NFIA: variants seen among roughly 807,000 people sequenced by gnomAD.
The protein encoded by NFIA is nuclear factor 1 A-type.
In NFIA, 8 loss-of-function variants were observed where a neutral mutation model predicts 62.8. That is an observed-to-expected ratio of 0.13 (90% CI 0.07 to 0.23). The LOEUF (loss-of-function observed/expected upper bound fraction) is 0.23, where lower values mean the gene tolerates loss of function less well. NFIA is among the 10% of genes least tolerant of loss of function. The pLI is 1.00. For synonymous variants in NFIA, 235 were observed against 238.1 expected (o/e 0.99, Z 0.12); for missense variants, 410 against 642.1 (o/e 0.64, Z 3.91).
Position 61,096,547 on chromosome 1 carries a change from C to CTTTTTTTTTTTT in NFIA, c.559+7879_559+7890dup, listed in dbSNP as rs369305204. 1.2e-4 allele frequency among the ~76,000 whole-genome samples: 10 copies of CTTTTTTTTTTTT among 80,594 alleles called. 1 individual carries two copies. Among genetic ancestry groups the CTTTTTTTTTTTT allele is most frequent in the East Asian group, 1.0e-3 (2 of 1,982 alleles). The allele number at this position is 80,594 out of a possible 152,430, so 52.9% of individuals were successfully genotyped here. A position where few individuals can be genotyped will look rare whatever the true frequency, so the allele number is the denominator to read the frequency against. On this transcript the variant is annotated intron_variant, in intron 2 of 10. Transcript: ENST00000403491. ...TCTTTAAACTTAGTCAAGATTAGTT[C>CTTTTTTTTTTTT]TTTTTTTTTTTTTTTTTTTTTTTGA...
At chr1:61,110,172 T>C (rs1646671282) in intron 2 of NFIA, among the ~76,000 whole-genome samples, 2 of 151,946 alleles carry the variant, frequency 1.3e-5, no homozygotes, top group South Asian at 4.1e-4. Context: ...GAGATGACTC[T>C]GCCTGGTGCT....
At chr1:61,171,282 C>T (rs1246708432) in intron 2 of NFIA, among the ~76,000 whole-genome samples, 1 of 152,090 alleles carries the variant, frequency 6.6e-6, no homozygotes, top group African/African-American at 2.4e-5. Context: ...ATGTTTAACC[C>T]ATCTACTTGA....
At chr1:61,349,327 G>A (rs1662422978) in intron 4 of NFIA, among the ~76,000 whole-genome samples, 1 of 151,762 alleles carries the variant, frequency 6.6e-6, no homozygotes, top group Non-Finnish European at 1.5e-5. Flanking sequence ...ATTTTTTTTA[G>A]CAGTGACTGT....
intron 6 of NFIA, among the ~76,000 whole-genome samples, chr1:61,372,900 A>G (rs1267784594): frequency 6.6e-6 from 1 of 152,180 alleles, no homozygotes; most frequent in Admixed American, 6.6e-5. Flanking sequence ...GGAATGGGCT[A>G]GAAGTTTTCT....
At chr1:61,133,741 A>G (rs1310876234) in intron 2 of NFIA, among the ~76,000 whole-genome samples, 5 of 152,272 alleles carry the variant, frequency 3.3e-5, no homozygotes, top group African/African-American at 1.2e-4. Flanking sequence ...TCTGTGGTGG[A>G]AGGATGACTT....
chr1:61,110,315 C>CTT (rs1047160738), intron 2 of NFIA, among the ~76,000 whole-genome samples: 31 of 150,896 alleles, frequency 2.1e-4, no homozygotes, highest in Middle Eastern at 3.4e-3. Context: ...TAACCCAGTG[C>CTT]TTGTCGAGGG....
At chr1:61,355,600 C>A (rs1422102702) in intron 5 of NFIA, among the ~76,000 whole-genome samples, 1 of 150,906 alleles carries the variant, frequency 6.6e-6, no homozygotes, top group Non-Finnish European at 1.5e-5. Context: ...TTTTTTTCTC[C>A]AATAGAGACA....
chr1:61,202,707 C>T (rs1433454156), intron 2 of NFIA, among the ~76,000 whole-genome samples: 1 of 152,006 alleles, frequency 6.6e-6, no homozygotes, highest in Admixed American at 6.6e-5. Context: ...TTATTTTCCA[C>T]CCTTATGTTT....
At chr1:61,209,578 C>T (rs1653111928) in intron 2 of NFIA, among the ~76,000 whole-genome samples, 2 of 151,944 alleles carry the variant, frequency 1.3e-5, no homozygotes, top group Admixed American at 1.3e-4. Flanking sequence ...AATCCCAGCA[C>T]TTTGGGAGGC....
chr1:61,206,958 T>C (rs1018014044), intron 2 of NFIA, among the ~76,000 whole-genome samples: 1 of 152,176 alleles, frequency 6.6e-6, no homozygotes, highest in Admixed American at 6.5e-5. Flanking sequence ...GTAAAGGTAC[T>C]GTTTATATCT....
chr1:61,353,840 TCA>T (rs1267984219), intron 5 of NFIA, among the ~76,000 whole-genome samples: 1 of 152,192 alleles, frequency 6.6e-6, no homozygotes, highest in East Asian at 1.9e-4. Flanking sequence ...GACAAAAAAG[TCA>T]CACATCCAAA....
chr1:61,382,331 G>A (rs1041771711), intron 6 of NFIA, among the ~76,000 whole-genome samples: 1 of 152,120 alleles, frequency 6.6e-6, no homozygotes. Flanking sequence ...TGCTGGAAAT[G>A]CTGTGAAAAC....
At chr1:61,449,096 A>C (rs985757267) in intron 10 of NFIA, among the ~76,000 whole-genome samples, 1 of 152,328 alleles carries the variant, frequency 6.6e-6, no homozygotes, top group African/African-American at 2.4e-5. Flanking sequence ...GCAGCAGTCC[A>C]TGTTACAAAA....
intron 2 of NFIA, among the ~76,000 whole-genome samples, chr1:61,155,166 T>G (rs1648701067): frequency 6.6e-6 from 1 of 152,198 alleles, no homozygotes; most frequent in South Asian, 2.1e-4. Flanking sequence ...CAATGAATAT[T>G]CATGATCATT....
chr1:61,441,745 G>C (rs927363658), intron 10 of NFIA, among the ~76,000 whole-genome samples: 16 of 152,074 alleles, frequency 1.1e-4, no homozygotes, highest in Admixed American at 1.3e-4. Flanking sequence ...TGTTCTCTCT[G>C]ATATCTAGAT....
At chr1:61,372,578 A>T (rs1387959471) in intron 6 of NFIA, among the ~76,000 whole-genome samples, 1 of 98,790 alleles carries the variant, frequency 1.0e-5, no homozygotes, top group Non-Finnish European at 2.4e-5. Context: ...ATTGTTGTTA[A>T]AAAAAAAAAA....
chr1:61,373,321 A>G (rs1384166374), intron 6 of NFIA, among the ~76,000 whole-genome samples: 2 of 152,212 alleles, frequency 1.3e-5, no homozygotes, highest in Admixed American at 6.5e-5. Context: ...ATTCTAGCTG[A>G]CAGAACCTTT....
chr1:61,301,381 G>A (rs1659488932), intron 3 of NFIA, among the ~76,000 whole-genome samples: 1 of 152,182 alleles, frequency 6.6e-6, no homozygotes, highest in East Asian at 1.9e-4. Context: ...TATAAATCCT[G>A]AGAAGCAGGT....
chr1:61,196,855 AAAAT>A (rs1652033788), intron 2 of NFIA, among the ~76,000 whole-genome samples: 1 of 152,128 alleles, frequency 6.6e-6, no homozygotes, highest in African/African-American at 2.4e-5. Flanking sequence ...CAATAGTTAA[AAAAT>A]AAAGTCTATA....
Sources: gnomAD v4.1 joint callset for allele counts (sites outside exome capture counted in the v4.1 genomes callset) on GRCh38, gnomAD v4.1.1 for gene constraint, MANE v1.5 for transcripts, NCBI Gene and HGNC (gene_info 2026-07-23, HGNC 2026-07-21) for gene names.